Variants in NR3C1 observed in about 807,000 individuals in gnomAD.
The protein encoded by NR3C1 is nuclear receptor subfamily 3 group C member 1.
Under a neutral mutation model 74.0 loss-of-function variants are expected in NR3C1, and 14 were observed. The ratio of observed to expected loss-of-function variants is 0.19; its 90% CI spans 0.12 to 0.30. The LOEUF is 0.30. NR3C1 is among the 10% of genes least tolerant of loss of function. The probability of loss-of-function intolerance (pLI) is 1.00; values close to 1 mark genes in which losing one functional copy is unlikely to be tolerated. For synonymous variants in NR3C1, 308 were observed against 332.5 expected, an observed-to-expected ratio of 0.93 and a Z score of 0.80; for missense variants, 695 against 909.8, an observed-to-expected ratio of 0.76 and a Z score of 3.04.
At chr5:143,326,689 C>T (rs890969286) in intron 2 of NR3C1, among the ~76,000 whole-genome samples, 16 of 151,904 alleles carry the variant, frequency 1.1e-4, no homozygotes, top group African/African-American at 3.9e-4. Flanking sequence ...ATATACTGTC[C>T]CACTAAAGTA....
chr5:143,379,857 G>C lies in NR3C1; in HGVS notation c.1184+19799C>G, dbSNP rs540574920. The stretch of plus-strand genomic sequence containing the variant: ...TAAGTTCAGCTTGGCCAGATCAGCA[G>C]AACTGCCCACCTCATTTGTAGACTC... On this transcript the variant is annotated intron_variant, in intron 2 of 8. Coordinates refer to ENST00000394464, the MANE Select transcript of NR3C1 (RefSeq NM_000176.3). Among the ~76,000 whole-genome samples the C allele has an allele frequency of 3.9e-5, 6 of 152,318 alleles. No individual in the cohort carries two copies. The East Asian group carries it at 1.2e-3, about 29-fold the overall frequency.
intron 2 of NR3C1, among the ~76,000 whole-genome samples, chr5:143,342,343 C>T (rs192755518): frequency 1.6e-3 from 241 of 152,240 alleles, no homozygotes; most frequent in Non-Finnish European, 2.3e-3. Context: ...CTATTAATAT[C>T]CCCACTTAAG....
At chr5:143,308,604 A>T (rs1055939602) in intron 4 of NR3C1, among the ~76,000 whole-genome samples, 9 of 152,182 alleles carry the variant, frequency 5.9e-5, no homozygotes, top group African/African-American at 1.7e-4. Flanking sequence ...GTAAAATACA[A>T]ATCTGATCAT....
At chr5:143,414,592 C>T (rs1366261858) in intron 1 of NR3C1, among the ~76,000 whole-genome samples, 2 of 152,186 alleles carry the variant, frequency 1.3e-5, no homozygotes, top group South Asian at 2.1e-4. Context: ...GATTTTATCA[C>T]GTGTGTTTCT....
At chr5:143,405,339 G>A (rs1245483795), upstream of NR3C1, 2 of 985,562 alleles carry the variant, frequency 2.0e-6, no homozygotes, top group Non-Finnish European at 2.4e-6. Context: ...CTCACCTCCC[G>A]CCGCGCTCAG....
intron 2 of NR3C1, among the ~76,000 whole-genome samples, chr5:143,368,186 T>C (rs937724352): frequency 4.6e-5 from 7 of 152,134 alleles, no homozygotes; most frequent in African/African-American, 1.7e-4. Flanking sequence ...TAGGTATCAT[T>C]ACACAAAAGA....
intron 2 of NR3C1, among the ~76,000 whole-genome samples, chr5:143,384,456 C>T (rs981147524): frequency 3.3e-5 from 5 of 152,198 alleles, no homozygotes; most frequent in Non-Finnish European, 7.4e-5. Context: ...GGCAAGTCCA[C>T]TCTGCTTATG....
At chr5:143,410,298 T>C (rs563994480) in intron 1 of NR3C1, among the ~76,000 whole-genome samples, 29 of 152,310 alleles carry the variant, frequency 1.9e-4, no homozygotes, top group African/African-American at 6.5e-4. Context: ...ATTTTGGTTC[T>C]TATATCTTCT....
At chr5:143,364,977 G>A (rs1352000779) in intron 2 of NR3C1, among the ~76,000 whole-genome samples, 1 of 152,140 alleles carries the variant, frequency 6.6e-6, no homozygotes, top group African/African-American at 2.4e-5. Flanking sequence ...AAAGTGCTGG[G>A]ATTACAGGCA....
chr5:143,415,553 C>T (rs1036229349), intron 1 of NR3C1, among the ~76,000 whole-genome samples: 1 of 152,166 alleles, frequency 6.6e-6, no homozygotes, highest in African/African-American at 2.4e-5. Context: ...GATTTTACTA[C>T]ATGTATTTTT....
chr5:143,306,370 AGT>A lies in NR3C1; in HGVS notation c.1468+3725_1468+3726del, dbSNP rs377038058. On this transcript the variant is annotated intron_variant, in intron 4 of 8. Coordinates refer to ENST00000394464, the MANE Select transcript of NR3C1 (RefSeq NM_000176.3). ...TATTTCTGAAGGTTGTTAAAAAAAA[AGT>A]GTGAAACACATGGCTCATCTGTATT... Among the ~76,000 whole-genome samples the A allele has an allele frequency of 7.6e-4, 116 of 152,240 alleles. 2 individuals carry two copies. Among genetic ancestry groups the A allele is most frequent in the African/African-American group, 9.9e-4 (41 of 41,560 alleles).
At chr5:143,404,647 A>G (rs1840964792), upstream of NR3C1, 1 of 386,664 alleles carries the variant, frequency 2.6e-6, no homozygotes, top group Non-Finnish European at 3.5e-6. Flanking sequence ...GCCAAATGCA[A>G]AACCTCCAGC....
Position 143,366,614 on chromosome 5 carries a change from G to T in NR3C1, c.1184+33042C>A, listed in dbSNP as rs116450515. 4.4e-3 allele frequency among the ~76,000 whole-genome samples: 672 copies of T among 151,224 alleles called. 2 individuals are homozygous for T. Among genetic ancestry groups the T allele is most frequent in the African/African-American group, 0.015 (640 of 41,350 alleles). On this transcript the variant is annotated intron_variant, in intron 2 of 8. Coordinates refer to ENST00000394464, the MANE Select transcript of NR3C1 (RefSeq NM_000176.3). ...GAAGACTCTTAAATTACCAGAATCC[G>T]AAATGAAAGAGTGAACATTATGACT...
At chr5:143,309,824 A>T (rs1287041614) in intron 4 of NR3C1, among the ~76,000 whole-genome samples, 1 of 152,222 alleles carries the variant, frequency 6.6e-6, no homozygotes, top group African/African-American at 2.4e-5. Flanking sequence ...CATGTTGTGT[A>T]AGTTTCATTA....
chr5:143,401,138 A>C, intron 1 of NR3C1: 1 of 430,430 alleles, frequency 2.3e-6, no homozygotes, highest in Non-Finnish European at 4.3e-6. Flanking sequence ...CGCTCACTGA[A>C]CGTGTAGCTT....
chr5:143,360,175 T>G (rs1289556516), intron 2 of NR3C1, among the ~76,000 whole-genome samples: 1 of 152,234 alleles, frequency 6.6e-6, no homozygotes, highest in African/African-American at 2.4e-5. Flanking sequence ...TACACACACA[T>G]GATTAAAGAA....
rs781064223 is a variant in NR3C1, at chr5:143,400,665, G to A, written c.175C>T (p.Arg59Ter). The A allele has an allele frequency of 2.5e-6, 4 of 1,613,982 alleles. No individual in the cohort carries two copies. The highest frequency in any genetic ancestry group is 3.4e-6 in the Non-Finnish European group (4 of 1,179,860). ...TTTGGAAAATCAACCAAAAGTCTTCGCTGCTTGGAGTCTGATTGAGAAGCG... is the reference window on the plus strand; with the variant it reads ...TTTGGAAAATCAACCAAAAGTCTTCACTGCTTGGAGTCTGATTGAGAAGCG... ...AVASQSDSKQ[R>*]RLLVDFPKGS... The change falls in exon 2 of 9, where the codon CGA becomes TGA. Residue 59 changes from arginine to a stop codon, truncating the protein, a stop_gained. Coordinates refer to ENST00000394464, the MANE Select transcript of NR3C1 (RefSeq NM_000176.3). LOFTEE classifies it high-confidence loss of function.
At chr5:143,435,345 C>T in exon 1 of NR3C1, 1 of 985,454 alleles carries the variant, frequency 1.0e-6, no homozygotes, top group Non-Finnish European at 1.2e-6. Flanking sequence ...TAAGTTTTCT[C>T]CTTCTCTCTG....
intron 7 of NR3C1, among the ~76,000 whole-genome samples, chr5:143,290,566 T>C (rs1165410952): frequency 6.6e-6 from 1 of 152,166 alleles, no homozygotes; most frequent in African/African-American, 2.4e-5. Context: ...ATTCAGTCCA[T>C]CTCTACATTT....
Sources: gnomAD v4.1 joint callset for allele counts (sites outside exome capture counted in the v4.1 genomes callset) on GRCh38, gnomAD v4.1.1 for gene constraint, MANE v1.5 for transcripts, NCBI Gene and HGNC (gene_info 2026-07-23, HGNC 2026-07-21) for gene names.